Variants in SYNE1 observed in about 807,000 individuals in gnomAD.
The protein encoded by SYNE1 is nesprin-1.
SYNE1 carries 616 observed loss-of-function variants against 1,111.0 expected under a neutral mutation model. The observed-to-expected ratio is 0.55, with a 90% CI of 0.52 to 0.59. The LOEUF (loss-of-function observed/expected upper bound fraction) is 0.59. Ranked by LOEUF, SYNE1 falls within the 20% of genes least tolerant of loss-of-function variation. SYNE1 has a pLI of 0.00. For missense variants in SYNE1, 10,006 were observed against 10,417.0 expected, an observed-to-expected ratio of 0.96 and a Z score of 1.72; for synonymous variants, 3,855 against 3,825.8, an observed-to-expected ratio of 1.01 and a Z score of -0.28.
chr6:152,446,111 T>TG (rs1273986251), intron 29 of SYNE1, among the ~76,000 whole-genome samples: 5 of 144,250 alleles, frequency 3.5e-5, no homozygotes, highest in Non-Finnish European at 7.5e-5. Flanking sequence ...ACAGTCAATT[T>TG]TTTTTTTTTT....
At chr6:152,588,183 A>G (rs954260570) in intron 3 of SYNE1, among the ~76,000 whole-genome samples, 12 of 152,170 alleles carry the variant, frequency 7.9e-5, no homozygotes, top group African/African-American at 2.9e-4. Context: ...AGATGTCTCA[A>G]ATCAGACTTA....
Position 152,416,486 on chromosome 6 carries a change from T to G in SYNE1, c.5951A>C (p.Gln1984Pro). 2.5e-6 allele frequency: 4 copies of G among 1,614,138 alleles called. No individual in the cohort carries two copies. Among genetic ancestry groups the G allele is most frequent in the Non-Finnish European group, 3.4e-6 (4 of 1,180,018 alleles). ...DALAVLKKAFQDQKEELLKSI... is the reference protein window; with the variant it reads ...DALAVLKKAFPDQKEELLKSI... ...TTTCAGAAGCTCCTCTTTCTGGTCT[T>G]GGAATGCTTTTTTCAACACTGCCAG... The change falls in exon 41 of 146, where the codon CAA (glutamine) becomes CCA (proline). Residue 1984 changes from glutamine to proline, a missense_variant. Gln to Pro is a moderately conservative substitution (Grantham distance 76). Transcript: ENST00000367255.
At chr6:152,297,031 A>C (rs1367745484) in intron 93 of SYNE1, among the ~76,000 whole-genome samples, 1 of 152,170 alleles carries the variant, frequency 6.6e-6, no homozygotes, top group Non-Finnish European at 1.5e-5. Context: ...AGTTCTGTAC[A>C]CAGCTTCTCA....
intron 3 of SYNE1, among the ~76,000 whole-genome samples, chr6:152,596,144 G>A (rs1039834788): frequency 7.6e-6 from 1 of 131,268 alleles, no homozygotes; most frequent in Non-Finnish European, 1.6e-5. Context: ...TGTGATCTGT[G>A]TCCCTGGGTG....
intron 10 of SYNE1, among the ~76,000 whole-genome samples, chr6:152,500,095 A>G (rs957072244): frequency 6.6e-6 from 1 of 152,218 alleles, no homozygotes; most frequent in Non-Finnish European, 1.5e-5. Context: ...ACTCTAAAAC[A>G]GTAAAACCTC....
chr6:152,545,989 T>C (rs975314278), intron 3 of SYNE1: 9 of 152,108 alleles, frequency 5.9e-5, no homozygotes, highest in Non-Finnish European at 7.4e-5. Context: ...CAAATGCAGA[T>C]TGAATTTCTT....
At position 152,221,508 on chromosome 6, in the gene SYNE1, A is replaced by C. The variant is rs755205769; in HGVS notation, c.21574T>G (p.Ser7192Ala). The C allele has an allele frequency of 1.9e-6, 3 of 1,613,956 alleles. No homozygotes were observed. In the South Asian group the frequency reaches 3.3e-5, roughly 18 times the overall value. Residue 7192 changes from serine (S) to alanine (A), a missense_variant, in exon 118 of 146, where the codon TCT becomes GCT. Ser to Ala is a moderately conservative substitution (Grantham distance 99). Transcript: ENST00000367255. The part of the protein sequence containing the change: ...KQERSLQKFG[S>A]ITNQLLKECH... ...TCTTTTAATAATTGGTTGGTGATAG[A>C]GCCAAATTTCTGTAAGCTCCTTTCC...
intron 63 of SYNE1, chr6:152,363,807 C>A (rs1265254305): frequency 2.2e-6 from 1 of 454,468 alleles, no homozygotes; most frequent in East Asian, 7.0e-5. Context: ...TCTTCTAATT[C>A]ATATGAGTTT....
At chr6:152,232,992 C>T (rs2083137346) in intron 112 of SYNE1, among the ~76,000 whole-genome samples, 1 of 152,172 alleles carries the variant, frequency 6.6e-6, no homozygotes. Context: ...GCTATCCTGC[C>T]TGAAACACAG....
At chr6:152,347,333 T>C in intron 72 of SYNE1, 98 bp from the exon 73 acceptor site, 1 of 1,415,676 alleles carries the variant, frequency 7.1e-7, no homozygotes, top group African/African-American at 1.4e-5. Flanking sequence ...TTAATATTGT[T>C]TTTGAAAGAA....
At chr6:152,437,461 T>A (rs1321152971) in intron 32 of SYNE1, among the ~76,000 whole-genome samples, 1 of 152,196 alleles carries the variant, frequency 6.6e-6, no homozygotes, top group Admixed American at 6.5e-5. Context: ...CTCTTGGAGA[T>A]ACTGATTATT....
chr6:152,225,207 A>C (rs940954849), intron 116 of SYNE1, among the ~76,000 whole-genome samples: 1 of 151,832 alleles, frequency 6.6e-6, no homozygotes, highest in South Asian at 2.1e-4. Context: ...ATTTGAATAC[A>C]GGTAGTCAGG....
intron 131 of SYNE1, among the ~76,000 whole-genome samples, chr6:152,162,652 A>G (rs1157612357): frequency 6.6e-6 from 1 of 152,208 alleles, no homozygotes; most frequent in Non-Finnish European, 1.5e-5. Flanking sequence ...TTAATTTCAT[A>G]AAAATTGAAA....
chr6:152,203,298 TC>T (rs1327146651), intron 126 of SYNE1, among the ~76,000 whole-genome samples: 1 of 148,632 alleles, frequency 6.7e-6, no homozygotes, highest in Non-Finnish European at 1.5e-5. Flanking sequence ...CAGAGCTTGA[TC>T]TTTTTTATAG....
chr6:152,330,971 C>A lies in SYNE1; in HGVS notation c.13714G>T (p.Asp4572Tyr). 6.2e-7 allele frequency: 1 copy of A among 1,614,150 alleles called. No homozygotes were observed. The highest frequency in any genetic ancestry group is 8.5e-7 in the Non-Finnish European group (1 of 1,180,030). Residue 4572 changes from aspartate (D) to tyrosine (Y), a missense_variant, in exon 78 of 146, where the codon GAT becomes TAT. Asp to Tyr is a radical substitution (Grantham distance 160, BLOSUM62 -3). Around this residue, in one of 7 missense-constraint regions of SYNE1, gnomAD observed 4,955 missense variants for 5,017.2 expected, o/e 0.99. Coordinates refer to ENST00000367255, the MANE Select transcript of SYNE1 (RefSeq NM_182961.4). ...VSRKHFKEDF[D>Y]KACHWLKQAD... Reference sequence around the variant, plus strand: ...TGTTTTAGCCAGTGGCAAGCTTTATCAAAATCTTCCTTAAAATGCTTCCTA... The same window carrying A: ...TGTTTTAGCCAGTGGCAAGCTTTATAAAAATCTTCCTTAAAATGCTTCCTA...
rs550027519 is a variant in SYNE1, at chr6:152,395,609, G to T, written c.7619C>A (p.Thr2540Lys). 3.7e-6 allele frequency: 6 copies of T among 1,613,930 alleles called. No homozygotes were observed. Among genetic ancestry groups the T allele is most frequent in the Admixed American group, 3.3e-5 (2 of 59,996 alleles). The change falls in exon 51 of 146, where the codon ACG becomes AAG. Residue 2540 changes from threonine (T) to lysine (K), a missense_variant. By Grantham distance (78) the Thr-to-Lys change is moderately conservative. Around this residue, in one of 7 missense-constraint regions of SYNE1, gnomAD observed 4,955 missense variants for 5,017.2 expected, o/e 0.99. Coordinates refer to ENST00000367255, the MANE Select transcript of SYNE1 (RefSeq NM_182961.4). ...CTGTTTACTCTCTCCCAAGTTTTCCGTATTGAACCTTTCTTCCATTTCATG... is the reference window on the plus strand; with the variant it reads ...CTGTTTACTCTCTCCCAAGTTTTCCTTATTGAACCTTTCTTCCATTTCATG... Reference protein sequence around the residue: ...WIHEMEERFNTENLGESKQHI... With the variant: ...WIHEMEERFNKENLGESKQHI...
chr6:152,568,449 C>A (rs1052296375), intron 3 of SYNE1, among the ~76,000 whole-genome samples: 14 of 151,726 alleles, frequency 9.2e-5, no homozygotes, highest in African/African-American at 3.4e-4. Flanking sequence ...ACTACAAATG[C>A]GTACCACCAC....
intron 101 of SYNE1, 77 bp from the exon 102 acceptor site, chr6:152,256,842 A>G: frequency 6.3e-7 from 1 of 1,586,256 alleles, no homozygotes; most frequent in Non-Finnish European, 8.6e-7. Flanking sequence ...ATGCATACTG[A>G]AATAGATGCT....
intron 3 of SYNE1, among the ~76,000 whole-genome samples, chr6:152,561,933 G>A (rs117306468): frequency 2.0e-4 from 30 of 152,210 alleles, no homozygotes; most frequent in Middle Eastern, 3.4e-3. Context: ...AGATTTAAAC[G>A]TAAGTCCTGA....
Sources: allele counts gnomAD v4.1 joint callset (sites outside exome capture counted in the v4.1 genomes callset), GRCh38; gene constraint gnomAD v4.1.1; regional missense constraint gnomAD v4.1.1; transcripts MANE v1.5; gene names NCBI Gene and HGNC (gene_info 2026-07-23, HGNC 2026-07-21).